Variants in AP1AR observed in about 807,000 individuals in gnomAD.
AP1AR encodes the protein adaptor related protein complex 1 associated regulatory protein.
Under a neutral mutation model 46.3 loss-of-function variants are expected in AP1AR, and 29 were observed. That is an observed-to-expected ratio of 0.63 (90% confidence interval 0.47 to 0.85). The LOEUF is 0.85. Ranked by LOEUF, AP1AR falls within the 40% of genes least tolerant of loss-of-function variation. AP1AR has a pLI of 0.00. For synonymous variants in AP1AR, 122 were observed against 122.9 expected (o/e 0.99, Z 0.05); for missense variants, 357 against 356.3 (o/e 1.00, Z -0.02).
In AP1AR at chr4:112,232,252, C is replaced by T. The variant is rs891560532; in HGVS notation, c.83+78C>T. On this transcript the variant is annotated intron_variant, in intron 1 of 9. Transcript: ENST00000274000. ...CCGGCGGGGAATCCCTTTCACCGTC[C>T]CCCGGCGGCTGGAGGTGGCGGTCGA... is the stretch of plus-strand genomic sequence containing the variant. 5 of 1,205,628 alleles carry T rather than the reference C, an allele frequency of 4.1e-6. No individual in the cohort carries two copies. The East Asian group carries it at 1.6e-4, about 38-fold the overall frequency. The allele number at this position is 1,205,628 out of a possible 1,614,324, so 74.7% of individuals were successfully genotyped here. A position where few individuals can be genotyped will look rare whatever the true frequency, so the allele number is the denominator to read the frequency against.
intron 1 of AP1AR, among the ~76,000 whole-genome samples, chr4:112,240,581 A>G (rs936919355): frequency 1.2e-4 from 18 of 152,202 alleles, no homozygotes; most frequent in African/African-American, 3.6e-4. Context: ...GGCAGAATTA[A>G]TGAATACAGT....
intron 5 of AP1AR, 150 bp from the exon 6 acceptor site, chr4:112,262,838 A>G (rs1428798864): frequency 1.5e-5 from 9 of 616,576 alleles, no homozygotes; most frequent in Non-Finnish European, 2.0e-5. Context: ...AATTTAAACA[A>G]TTGCAAACAT....
chr4:112,245,921 T>A (rs1245037680), intron 1 of AP1AR, among the ~76,000 whole-genome samples: 1 of 152,224 alleles, frequency 6.6e-6, no homozygotes, highest in Non-Finnish European at 1.5e-5. Context: ...TAGATATTGC[T>A]GCTTTTGCTC....
chr4:112,248,534 T>G (rs1438551099), intron 1 of AP1AR, among the ~76,000 whole-genome samples: 5 of 152,092 alleles, frequency 3.3e-5, no homozygotes, highest in Admixed American at 2.6e-4. Flanking sequence ...AAAAGGAGTA[T>G]AGTATAAATG....
In AP1AR at chr4:112,268,201, G is replaced by A. The variant is rs368240881; in HGVS notation, c.701G>A (p.Arg234Gln). ...ERSKTEEDILRAALKYSNKKT... is the reference protein window; with the variant it reads ...ERSKTEEDILQAALKYSNKKT... ...TCCAAAACAGAGGAAGACATTCTAC[G>A]GGCAGCACTTAAGTATAGCAACAAG... The change falls in exon 10 of 10, where the codon CGG (arginine) becomes CAG (glutamine). Residue 234 changes from arginine to glutamine, a missense_variant. By Grantham distance (43) the Arg-to-Gln change is conservative. Transcript: ENST00000274000. 10 of 1,607,940 alleles carry A rather than the reference G, an allele frequency of 6.2e-6. No individual in the cohort carries two copies. Among genetic ancestry groups the A allele is most frequent in the South Asian group, 3.3e-5 (3 of 90,298 alleles).
chr4:112,253,902 C>G (rs1253297595), intron 2 of AP1AR, among the ~76,000 whole-genome samples: 2 of 151,854 alleles, frequency 1.3e-5, no homozygotes, highest in African/African-American at 4.8e-5. Context: ...TTATGGCCTT[C>G]TATATTAATA....
At chr4:112,233,016 T>A (rs1725084320) in intron 1 of AP1AR, among the ~76,000 whole-genome samples, 1 of 152,208 alleles carries the variant, frequency 6.6e-6, no homozygotes, top group Non-Finnish European at 1.5e-5. Context: ...GGGGTTGGCT[T>A]TGTTGTTATT....
chr4:112,260,730 G>GT, intron 4 of AP1AR, 36 bp from the exon 5 acceptor site: 1 of 1,420,478 alleles, frequency 7.0e-7, no homozygotes, highest in Non-Finnish European at 9.6e-7. Context: ...AGAAGTTTTT[G>GT]TTTTTTCTTT....
chr4:112,261,301 G>A (rs1173406374), intron 5 of AP1AR, among the ~76,000 whole-genome samples: 1 of 152,118 alleles, frequency 6.6e-6, no homozygotes, highest in African/African-American at 2.4e-5. Context: ...GTATGGTGGT[G>A]CATGCCTGTG....
At chr4:112,235,296 T>C (rs765008332) in intron 1 of AP1AR, among the ~76,000 whole-genome samples, 5 of 152,224 alleles carry the variant, frequency 3.3e-5, no homozygotes, top group Non-Finnish European at 7.3e-5. Context: ...TTAAGTTTTG[T>C]TGTGTTGTAT....
intron 3 of AP1AR, 72 bp downstream of exon 3, chr4:112,254,845 T>TAC (rs1726113905): frequency 1.3e-6 from 1 of 751,914 alleles, no homozygotes; most frequent in African/African-American, 1.8e-5. Flanking sequence ...TTCTAACAAT[T>TAC]ACGTTTACAA....
chr4:112,250,767 TAATCC>T (rs1447250686), intron 1 of AP1AR, among the ~76,000 whole-genome samples: 11 of 152,238 alleles, frequency 7.2e-5, no homozygotes, highest in Non-Finnish European at 1.3e-4. Flanking sequence ...AGTCTCAATC[TAATCC>T]ATTTTAAAAG....
intron 1 of AP1AR, among the ~76,000 whole-genome samples, chr4:112,248,770 G>C (rs1280908199): frequency 2.0e-5 from 3 of 152,098 alleles, no homozygotes; most frequent in Non-Finnish European, 4.4e-5. Flanking sequence ...TCTGACCCTG[G>C]CTATCTCTCA....
intron 1 of AP1AR, among the ~76,000 whole-genome samples, chr4:112,243,096 C>T (rs1457802434): frequency 6.6e-6 from 1 of 152,120 alleles, no homozygotes; most frequent in African/African-American, 2.4e-5. Flanking sequence ...TTCCTTTTTC[C>T]TCCAGGGCAT....
intron 1 of AP1AR, among the ~76,000 whole-genome samples, chr4:112,235,723 A>G (rs1725211283): frequency 6.6e-6 from 1 of 152,166 alleles, no homozygotes; most frequent in Non-Finnish European, 1.5e-5. Flanking sequence ...CAGAGTTCTT[A>G]TCCTTAACCA....
At chr4:112,265,642 G>T (rs150436709) in intron 7 of AP1AR, 92 bp from the exon 8 acceptor site, 1 of 847,124 alleles carries the variant, frequency 1.2e-6, no homozygotes, top group African/African-American at 1.8e-5. Flanking sequence ...TATGACATAG[G>T]TCTTCAAGCC....
intron 1 of AP1AR, among the ~76,000 whole-genome samples, chr4:112,237,492 C>G (rs761844658): frequency 1.3e-5 from 2 of 151,778 alleles, no homozygotes; most frequent in Non-Finnish European, 2.9e-5. Flanking sequence ...AGGTCTCACT[C>G]TGTCACCCAG....
chr4:112,268,574 A>T lies in AP1AR; in HGVS notation c.*165A>T. The T allele has an allele frequency of 1.6e-6, 1 of 611,860 alleles. No individual in the cohort carries two copies. The highest frequency in any genetic ancestry group is 3.3e-5 in the East Asian group (1 of 30,546). 37.9% of individuals were successfully genotyped at this position (611,860 alleles called of 1,614,324 possible). ...AGTAGGGATGATAGGATCTGAATTG[A>T]TACAGAATTAAGTGCAATTTCATCA... is the stretch of plus-strand genomic sequence containing the variant. On this transcript the variant is annotated 3_prime_UTR_variant, in exon 10 of 10. Coordinates refer to ENST00000274000, the MANE Select transcript of AP1AR (RefSeq NM_018569.6).
rs1175048818 is a variant in AP1AR, at chr4:112,268,353, T to G, written c.853T>G (p.Leu285Val). 1 of 1,612,368 alleles carries G rather than the reference T, an allele frequency of 6.2e-7. No individual in the cohort carries two copies. The highest frequency in any genetic ancestry group is 8.5e-7 in the Non-Finnish European group (1 of 1,178,958). The change falls in exon 10 of 10, where the codon TTA becomes GTA. Residue 285 changes from leucine to valine, a missense_variant. Leu to Val is a conservative substitution (Grantham distance 32). Coordinates refer to ENST00000274000, the MANE Select transcript of AP1AR (RefSeq NM_018569.6). ...GTATTCTGGATTTGTAAATCCTGTATTAGAACTGTCTGATTCTGGCATAAG... is the reference window on the plus strand; with the variant it reads ...GTATTCTGGATTTGTAAATCCTGTAGTAGAACTGTCTGATTCTGGCATAAG... ...SEYSGFVNPV[L>V]ELSDSGIRHS...
Sources: gnomAD v4.1 joint callset for allele counts (sites outside exome capture counted in the v4.1 genomes callset) on GRCh38, gnomAD v4.1.1 for gene constraint, MANE v1.5 for transcripts, NCBI Gene and HGNC (gene_info 2026-07-23, HGNC 2026-07-21) for gene names.